The following TEC variants were observed in gnomAD, a reference collection of about 807,000 sequenced individuals.
TEC encodes the protein tec protein tyrosine kinase.
In TEC, 72 loss-of-function variants were observed where a neutral mutation model predicts 93.0. The ratio of observed to expected loss-of-function variants is 0.77; its 90% CI spans 0.64 to 0.94. TEC has a LOEUF of 0.94. Ranked by LOEUF, TEC falls within the 40% of genes least tolerant of loss-of-function variation. The pLI, the probability that TEC is intolerant of heterozygous loss-of-function variation, is 0.00. For missense variants in TEC, 630 were observed against 757.9 expected (o/e 0.83, Z 1.98); for synonymous variants, 249 against 247.7 (o/e 1.01, Z -0.05).
intron 2 of TEC, among the ~76,000 whole-genome samples, chr4:48,181,420 A>T (rs1291168955): frequency 6.6e-6 from 1 of 152,140 alleles, no homozygotes; most frequent in East Asian, 1.9e-4. Flanking sequence ...CACTCCTGTA[A>T]TCCCAGCACT....
At chr4:48,176,450 G>T (rs531113832) in intron 2 of TEC, among the ~76,000 whole-genome samples, 1 of 152,224 alleles carries the variant, frequency 6.6e-6, no homozygotes, top group East Asian at 1.9e-4. Context: ...GTCAGGTGCC[G>T]TGGCTCATCC....
chr4:48,168,748 C>A (rs979846394), intron 5 of TEC, 122 bp from the exon 6 acceptor site: 10 of 945,210 alleles, frequency 1.1e-5, no homozygotes, highest in Non-Finnish European at 1.6e-5. Context: ...ACACTCTGAC[C>A]AACTCTGGTG....
intron 1 of TEC, among the ~76,000 whole-genome samples, chr4:48,253,342 CTCT>C (rs1391094815): frequency 6.6e-6 from 1 of 152,016 alleles, no homozygotes; most frequent in East Asian, 1.9e-4. Flanking sequence ...ATCCTTCCAC[CTCT>C]TCTTCTATTA....
At chr4:48,186,350 G>C (rs897995018) in intron 2 of TEC, among the ~76,000 whole-genome samples, 3 of 151,812 alleles carry the variant, frequency 2.0e-5, no homozygotes, top group African/African-American at 7.2e-5. Flanking sequence ...CCTCTGACCA[G>C]CCGCCCAGTC....
chr4:48,254,388 G>A (rs1308958867), intron 1 of TEC, among the ~76,000 whole-genome samples: 2 of 152,242 alleles, frequency 1.3e-5, no homozygotes, highest in African/African-American at 4.8e-5. Context: ...CTACAGCAGA[G>A]AGAGCTACAG....
intron 2 of TEC, among the ~76,000 whole-genome samples, chr4:48,181,422 C>T (rs1721577647): frequency 6.6e-6 from 1 of 152,040 alleles, no homozygotes; most frequent in Non-Finnish European, 1.5e-5. Flanking sequence ...CTCCTGTAAT[C>T]CCAGCACTTT....
At position 48,228,493 on chromosome 4, in the gene TEC, T is replaced by C; in HGVS notation, c.122A>G (p.Tyr41Cys). The change falls in exon 2 of 18, where the codon TAT becomes TGT. Residue 41 changes from tyrosine to cysteine, a missense_variant. By Grantham distance (194) the Tyr-to-Cys change is radical. Transcript: ENST00000381501. The stretch of plus-strand genomic sequence containing the variant: ...GTCTCTTACCTCTGCTCGACCCTCA[T>C]AGTAGGTTAGCATGGACTTTGTAAG... ...FVLTKSMLTY[Y>C]EGRAEKKYRK... 2 of 1,608,886 alleles carry C rather than the reference T, an allele frequency of 1.2e-6. No individual in the cohort carries two copies. Among genetic ancestry groups the C allele is most frequent in the Non-Finnish European group, 1.7e-6 (2 of 1,178,962 alleles).
intron 2 of TEC, among the ~76,000 whole-genome samples, chr4:48,225,469 G>A (rs1454468165): frequency 6.6e-6 from 1 of 152,136 alleles, no homozygotes; most frequent in Non-Finnish European, 1.5e-5. Flanking sequence ...GAGCCACCAC[G>A]ACCGGCCCTC....
At chr4:48,251,572 T>G (rs1326150544) in intron 1 of TEC, among the ~76,000 whole-genome samples, 2 of 152,222 alleles carry the variant, frequency 1.3e-5, no homozygotes, top group Non-Finnish European at 2.9e-5. Context: ...GAAAGGAACC[T>G]GTTCTGTGCA....
chr4:48,155,249 G>C (rs982346438), intron 9 of TEC, among the ~76,000 whole-genome samples: 10 of 152,206 alleles, frequency 6.6e-5, no homozygotes, highest in Non-Finnish European at 1.2e-4. Context: ...TTCTTCTATT[G>C]TAAAACAGAG....
At chr4:48,203,364 CAAAA>C (rs1339552366) in intron 2 of TEC, among the ~76,000 whole-genome samples, 1 of 142,938 alleles carries the variant, frequency 7.0e-6, no homozygotes, top group Non-Finnish European at 1.6e-5. Context: ...GACTCTGTCT[CAAAA>C]AAACAAAAAC....
intron 2 of TEC, 78 bp from the exon 3 acceptor site, chr4:48,176,264 T>G (rs1207587690): frequency 2.2e-5 from 25 of 1,117,544 alleles, no homozygotes; most frequent in Non-Finnish European, 2.6e-6. Context: ...AAGGAAATTT[T>G]GCTCTGATTC....
intron 1 of TEC, among the ~76,000 whole-genome samples, chr4:48,244,686 A>G (rs2109661050): frequency 1.3e-5 from 2 of 152,366 alleles, no homozygotes; most frequent in South Asian, 4.1e-4. Context: ...AGGTACTGTG[A>G]CAGGGATATA....
intron 2 of TEC, among the ~76,000 whole-genome samples, chr4:48,191,203 C>T (rs1454621657): frequency 6.6e-6 from 1 of 152,192 alleles, no homozygotes; most frequent in Non-Finnish European, 1.5e-5. Flanking sequence ...TTGTGAGATG[C>T]TCACAGGCAC....
At chr4:48,246,909 C>T (rs1724070854) in intron 1 of TEC, among the ~76,000 whole-genome samples, 1 of 152,142 alleles carries the variant, frequency 6.6e-6, no homozygotes, top group Admixed American at 6.5e-5. Context: ...AGTAGGACTT[C>T]ATCAACTTAA....
chr4:48,227,193 G>A (rs1409983015), intron 2 of TEC, among the ~76,000 whole-genome samples: 1 of 151,990 alleles, frequency 6.6e-6, no homozygotes, highest in Non-Finnish European at 1.5e-5. Context: ...TCACAATGAC[G>A]AGCCACAGCA....
At chr4:48,265,062 G>A (rs1258490516) in intron 1 of TEC, among the ~76,000 whole-genome samples, 8 of 151,928 alleles carry the variant, frequency 5.3e-5, no homozygotes, top group Admixed American at 2.6e-4. Flanking sequence ...GACAAAAGCC[G>A]CTTGGGAAAT....
At chr4:48,139,999 T>A (rs1171188590) in intron 15 of TEC, among the ~76,000 whole-genome samples, 2 of 152,230 alleles carry the variant, frequency 1.3e-5, no homozygotes, top group African/African-American at 2.4e-5. Flanking sequence ...AAGTGCAGAT[T>A]TTCTGAAAGC....
chr4:48,219,713 A>T (rs1445495998), intron 2 of TEC, among the ~76,000 whole-genome samples: 1 of 152,090 alleles, frequency 6.6e-6, no homozygotes, highest in African/African-American at 2.4e-5. Context: ...TCACCTTGTC[A>T]ATCACTTAGA....
Sources: gnomAD v4.1 joint callset for allele counts (sites outside exome capture counted in the v4.1 genomes callset) on GRCh38, gnomAD v4.1.1 for gene constraint, MANE v1.5 for transcripts, NCBI Gene and HGNC (gene_info 2026-07-23, HGNC 2026-07-21) for gene names.